PRSS53: variants seen among roughly 807,000 people sequenced by gnomAD.
PRSS53 encodes serine protease 53.
A neutral mutation model predicts 62.7 loss-of-function variants in PRSS53; 54 were observed. The observed-to-expected ratio is 0.86, with a 90% CI of 0.69 to 1.08. The LOEUF (loss-of-function observed/expected upper bound fraction) is 1.08. PRSS53 is among the 50% of genes least tolerant of loss of function. The probability of loss-of-function intolerance (pLI) is 0.00; values close to 1 mark genes in which losing one functional copy is unlikely to be tolerated. For synonymous variants in PRSS53, 273 were observed against 300.0 expected (o/e 0.91, Z 0.93); for missense variants, 688 against 728.3 (o/e 0.94, Z 0.64).
chr16:31,088,221 T>C, intron 1 of PRSS53: 9 of 1,146,332 alleles, frequency 7.9e-6, no homozygotes, highest in Non-Finnish European at 9.7e-6. Context: ...ATTAGAGGCC[T>C]GCATCATTTC....
chr16:31,088,325 C>T, intron 1 of PRSS53: 1 of 1,118,260 alleles, frequency 8.9e-7, no homozygotes, highest in Non-Finnish European at 1.1e-6. Context: ...TGAGAGCCCG[C>T]CAGAGAGAGG....
At chr16:31,084,919 G>T (rs1567415821) in exon 8 of PRSS53, 3 of 1,543,028 alleles carry the variant, frequency 1.9e-6, no homozygotes, top group East Asian at 4.8e-5. Flanking sequence ...CCATGTCGTA[G>T]CCCCCCTCAG....
rs1468374406 is a variant in PRSS53, at chr16:31,084,460, G to A, written c.1425+98C>T. 3.3e-6 allele frequency: 5 copies of A among 1,502,730 alleles called. No individual in the cohort carries two copies. In the South Asian group the frequency reaches 3.7e-5, roughly 11 times the overall value. 93.1% of individuals were successfully genotyped at this position (1,502,730 alleles called of 1,614,324 possible). ...AAAAAGGCTTAGTTTCAGGTGGGAG[G>A]TGGGTCCAGAGGCCAAGCCTGGAAG... On this transcript the variant is annotated intron_variant, in intron 9 of 10. Coordinates refer to ENST00000280606, the Ensembl canonical transcript of PRSS53.
chr16:31,086,245 G>C (rs1021565390), intron 5 of PRSS53, 62 bp from the exon 6 acceptor site: 4 of 1,589,180 alleles, frequency 2.5e-6, no homozygotes, highest in Non-Finnish European at 2.6e-6. Flanking sequence ...GACACCCTCT[G>C]ATTGCAGGTC....
At position 31,086,845 on chromosome 16, in the gene PRSS53, C is replaced by T. The variant is rs559983068; in HGVS notation, c.296G>A (p.Arg99His). 3.6e-5 allele frequency: 58 copies of T among 1,611,680 alleles called. No homozygotes were observed. Among genetic ancestry groups the T allele is most frequent in the South Asian group, 1.5e-4 (14 of 90,762 alleles). ...TTCGGCCCCAGGGCTGAGTCCCTCA[C>T]GCTGCAGAGAACCCAGGACCACTGA... The change falls in exon 4 of 11, where the codon CGT (arginine) becomes CAT (histidine). Residue 99 changes from arginine (R) to histidine (H), a missense_variant. By Grantham distance (29) the Arg-to-His change is conservative. Transcript: ENST00000280606.
intron 7 of PRSS53, 38 bp from the exon 8 acceptor site, chr16:31,085,062 G>A: frequency 6.2e-7 from 1 of 1,611,126 alleles, no homozygotes; most frequent in South Asian, 1.1e-5. Flanking sequence ...AGGTGACAGG[G>A]CTGCCGGCAG....
At chr16:31,083,449 C>G (rs1272359522) in exon 11 of PRSS53, 4 of 1,302,668 alleles carry the variant, frequency 3.1e-6, no homozygotes, top group Non-Finnish European at 3.9e-6. Context: ...TATTTTGTAA[C>G]AATTTATTTA....
exon 4 of PRSS53, chr16:31,086,663 C>T: frequency 6.5e-7 from 1 of 1,540,930 alleles, no homozygotes. Context: ...CAGCCAGTGG[C>T]CCAGCAGGAG....
intron 3 of PRSS53, 130 bp from the exon 4 acceptor site, chr16:31,087,028 G>T: frequency 1.0e-6 from 1 of 986,926 alleles, no homozygotes; most frequent in Non-Finnish European, 1.4e-6. Context: ...GTAGGGTCTC[G>T]TCCTGTCGCC....
chr16:31,086,907 G>A lies in PRSS53; in HGVS notation c.243-9C>T, dbSNP rs777438043. On this transcript the variant is annotated splice_polypyrimidine_tract_variant and intron_variant, in intron 3 of 10. Transcript: ENST00000280606. Reference sequence around the variant, plus strand: ...GTTCTGTTGCTGCTGCCCTGGAAGGGGAAGGACAAGGTCCAGGCTGCTGAG... The same window carrying A: ...GTTCTGTTGCTGCTGCCCTGGAAGGAGAAGGACAAGGTCCAGGCTGCTGAG... 1 of 1,580,950 alleles carries A rather than the reference G, an allele frequency of 6.3e-7. No homozygotes were observed. The highest frequency in any genetic ancestry group is 1.3e-5 in the African/African-American group (1 of 74,338).
intron 9 of PRSS53, 84 bp downstream of exon 9, chr16:31,084,474 C>A: frequency 6.6e-7 from 1 of 1,523,870 alleles, no homozygotes; most frequent in Non-Finnish European, 8.9e-7. Flanking sequence ...GTCCAGAGGC[C>A]AAGCCTGGAA....
chr16:31,086,593 C>T (rs756425718), intron 4 of PRSS53, 40 bp downstream of exon 4: 10 of 1,545,636 alleles, frequency 6.5e-6, no homozygotes, highest in Non-Finnish European at 8.8e-6. Flanking sequence ...GCTGGGCAAG[C>T]AGAGTGCCTC....
At chr16:31,083,769 T>G in exon 11 of PRSS53, 7 of 1,614,132 alleles carry the variant, frequency 4.3e-6, no homozygotes, top group Non-Finnish European at 5.9e-6. Flanking sequence ...TCTCTTGTCC[T>G]GAGAATGGCC....
At chr16:31,085,325 A>C in intron 6 of PRSS53, 65 bp from the exon 7 acceptor site, 54 of 1,443,620 alleles carry the variant, frequency 3.7e-5, no homozygotes, top group Non-Finnish European at 4.7e-5. Context: ...TCAAATCCTC[A>C]CAGTAGCTTT....
intron 6 of PRSS53, 143 bp downstream of exon 6, chr16:31,085,821 C>A: frequency 1.4e-6 from 1 of 719,736 alleles, no homozygotes; most frequent in East Asian, 2.6e-5. Flanking sequence ...CCTCTCAGCC[C>A]TAACAGGGCT....
exon 6 of PRSS53, chr16:31,086,016 G>T (rs1444385589): frequency 6.2e-7 from 1 of 1,614,082 alleles, no homozygotes. Context: ...TCTGGGCCAG[G>T]AAAGCTGCCC....
chr16:31,084,928 A>C, exon 8 of PRSS53: 2 of 1,545,054 alleles, frequency 1.3e-6, no homozygotes, highest in Non-Finnish European at 1.7e-6. Context: ...AGCCCCCCTC[A>C]GGGTGGGTGT....
intron 3 of PRSS53, 70 bp downstream of exon 3, chr16:31,087,467 T>C (rs1199510160): frequency 8.2e-7 from 1 of 1,214,500 alleles, no homozygotes; most frequent in Non-Finnish European, 1.2e-6. Flanking sequence ...GGGACTAGCC[T>C]TGTGGGGCTT....
exon 1 of PRSS53, chr16:31,088,851 G>A: frequency 6.2e-7 from 1 of 1,611,394 alleles, no homozygotes; most frequent in Non-Finnish European, 8.5e-7. Context: ...CACTCTGAGA[G>A]AGGCCACCTG....
Sources: gnomAD v4.1 joint callset for allele counts on GRCh38, gnomAD v4.1.1 for gene constraint, MANE v1.5 for transcripts, NCBI Gene and HGNC (gene_info 2026-07-23, HGNC 2026-07-21) for gene names.